Variants in SLC14A2 observed in about 807,000 individuals in gnomAD.
SLC14A2 encodes the protein urea transporter 2.
In SLC14A2, 91 loss-of-function variants were observed where a neutral mutation model predicts 104.6. The ratio of observed to expected loss-of-function variants is 0.87; its 90% CI spans 0.73 to 1.04. The LOEUF is 1.04. Ranked by LOEUF, SLC14A2 falls within the 50% of genes least tolerant of loss-of-function variation. SLC14A2 has a pLI of 0.00. For missense variants in SLC14A2, 1,189 were observed against 1,156.0 expected (o/e 1.03, Z -0.41); for synonymous variants, 476 against 466.4 (o/e 1.02, Z -0.27).
chr18:45,604,163 A>G (rs986688690), intron 2 of SLC14A2, among the ~76,000 whole-genome samples: 1 of 152,156 alleles, frequency 6.6e-6, no homozygotes, highest in Non-Finnish European at 1.5e-5. Context: ...CCCGTGGTTT[A>G]TTGACTGAGT....
At chr18:45,454,025 A>G (rs1371248490) in intron 1 of SLC14A2, among the ~76,000 whole-genome samples, 1 of 151,750 alleles carries the variant, frequency 6.6e-6, no homozygotes, top group African/African-American at 2.4e-5. Context: ...AGGCCCAGCT[A>G]ATTTTTGTAT....
chr18:45,316,764 A>T (rs532862954), intron 1 of SLC14A2, among the ~76,000 whole-genome samples: 17 of 152,138 alleles, frequency 1.1e-4, no homozygotes, highest in African/African-American at 3.6e-4. Context: ...GGACAGAACT[A>T]CCCTTCCCTT....
At chr18:45,478,159 G>C (rs2087420860) in intron 1 of SLC14A2, among the ~76,000 whole-genome samples, 1 of 152,202 alleles carries the variant, frequency 6.6e-6, no homozygotes, top group Non-Finnish European at 1.5e-5. Flanking sequence ...CAAAGACCAT[G>C]GGAAAAGAAT....
intron 1 of SLC14A2, among the ~76,000 whole-genome samples, chr18:45,230,343 G>GA (rs1255525558): frequency 1.3e-5 from 2 of 152,168 alleles, no homozygotes; most frequent in Non-Finnish European, 2.9e-5. Context: ...GCAGTGTTTT[G>GA]GGGGGCTTCT....
intron 1 of SLC14A2, among the ~76,000 whole-genome samples, chr18:45,327,893 G>A (rs1357913657): frequency 6.6e-6 from 1 of 152,150 alleles, no homozygotes; most frequent in Non-Finnish European, 1.5e-5. Context: ...TCTGAATGAG[G>A]CTTCATAAAC....
At chr18:45,654,845 GTTAT>G (rs368569586) in intron 10 of SLC14A2, among the ~76,000 whole-genome samples, 69 of 152,224 alleles carry the variant, frequency 4.5e-4, no homozygotes, top group African/African-American at 1.6e-3. Flanking sequence ...GAGCCTTCTC[GTTAT>G]TTGTCATCCT....
chr18:45,220,402 T>A (rs772025879), intron 1 of SLC14A2, among the ~76,000 whole-genome samples: 2 of 152,202 alleles, frequency 1.3e-5, no homozygotes, highest in Non-Finnish European at 2.9e-5. Context: ...TGTCATTACT[T>A]AGTCCTAGGT....
At chr18:45,404,217 T>C (rs1251763734) in intron 1 of SLC14A2, among the ~76,000 whole-genome samples, 2 of 152,244 alleles carry the variant, frequency 1.3e-5, no homozygotes, top group African/African-American at 4.8e-5. Context: ...AGTTATGGGA[T>C]AACTCATTTA....
intron 2 of SLC14A2, among the ~76,000 whole-genome samples, chr18:45,560,809 C>G (rs1342277940): frequency 1.3e-5 from 2 of 152,076 alleles, no homozygotes; most frequent in Non-Finnish European, 2.9e-5. Flanking sequence ...TCCTGCTTGT[C>G]CCCACCTCTC....
chr18:45,547,378 C>A (rs151102697), intron 2 of SLC14A2, among the ~76,000 whole-genome samples: 2 of 152,142 alleles, frequency 1.3e-5, no homozygotes, highest in Admixed American at 1.3e-4. Flanking sequence ...CCCTCCAATG[C>A]CCTTCCAGTC....
intron 1 of SLC14A2, among the ~76,000 whole-genome samples, chr18:45,317,955 C>T (rs1033263453): frequency 1.3e-5 from 2 of 151,998 alleles, no homozygotes; most frequent in Admixed American, 6.5e-5. Context: ...AGCTTTGGAG[C>T]CCCACCTTTG....
chr18:45,330,050 A>G (rs1321804195), intron 1 of SLC14A2, among the ~76,000 whole-genome samples: 1 of 152,186 alleles, frequency 6.6e-6, no homozygotes, highest in African/African-American at 2.4e-5. Flanking sequence ...ATCTCGTTCT[A>G]CAGAAGAGGA....
intron 2 of SLC14A2, among the ~76,000 whole-genome samples, chr18:45,485,696 T>C (rs2087590136): frequency 6.6e-6 from 1 of 152,206 alleles, no homozygotes; most frequent in African/African-American, 2.4e-5. Flanking sequence ...TTCAACTCTT[T>C]GGTCTTTTCC....
chr18:45,443,382 G>A (rs2705378), intron 1 of SLC14A2, among the ~76,000 whole-genome samples: 122,043 of 152,182 alleles, frequency 0.8, 48,925 homozygotes, highest in East Asian at 0.86. Context: ...GGCATCATCT[G>A]ATGCTAATGG....
At chr18:45,196,460 G>T in the SLC14A2 span, among the ~76,000 whole-genome samples, 3 of 152,178 alleles carry the variant, frequency 2.0e-5, no homozygotes, top group Non-Finnish European at 4.4e-5. Context: ...TCTCTGAAGT[G>T]GCCAAAGAAA....
rs1200469406 is a variant in SLC14A2, at chr18:45,579,165, C to G, written c.-34-45466C>G. Among the ~76,000 whole-genome samples, 8 of 152,316 alleles carry G rather than the reference C, an allele frequency of 5.3e-5. No homozygotes were observed. The East Asian group carries it at 1.5e-3, about 29-fold the overall frequency. ...CACTTCTGCCATATTCTACTGGTCA[C>G]AGCAAATCACAAGGTCAGCCCAGAT... is the stretch of plus-strand genomic sequence containing the variant. On this transcript the variant is annotated intron_variant, in intron 2 of 20. Coordinates refer to the SLC14A2 transcript ENST00000586448.
intron 1 of SLC14A2, among the ~76,000 whole-genome samples, chr18:45,406,349 A>G (rs1401535681): frequency 6.6e-6 from 1 of 152,204 alleles, no homozygotes; most frequent in Non-Finnish European, 1.5e-5. Flanking sequence ...ATTCAGTCAC[A>G]TCTTCAGTCT....
At chr18:45,454,161 G>A (rs59104037) in intron 1 of SLC14A2, among the ~76,000 whole-genome samples, 11,055 of 152,144 alleles carry the variant, frequency 0.073, 511 homozygotes, top group Admixed American at 0.12. Flanking sequence ...CCCAGCCCAA[G>A]TTCTGCTTTC....
chr18:45,482,439 C>T (rs1421134727), intron 1 of SLC14A2: 1 of 152,178 alleles, frequency 6.6e-6, no homozygotes, highest in African/African-American at 2.4e-5. Flanking sequence ...TAACTCCATC[C>T]TCTGACTCAG....
Sources: gnomAD v4.1 joint callset for allele counts (sites outside exome capture counted in the v4.1 genomes callset) on GRCh38, gnomAD v4.1.1 for gene constraint, MANE v1.5 for transcripts, NCBI Gene and HGNC (gene_info 2026-07-23, HGNC 2026-07-21) for gene names.